Variants in VTI1A observed in about 807,000 individuals in gnomAD.
VTI1A encodes the protein vesicle transport through interaction with t-SNAREs 1A, also known as vesicle transport through interaction with t-SNAREs homolog 1A.
VTI1A carries 22 observed loss-of-function variants against 34.9 expected under a neutral mutation model. The observed-to-expected ratio is 0.63, with a 90% confidence interval of 0.45 to 0.90. VTI1A has a LOEUF of 0.90. VTI1A is among the 40% of genes least tolerant of loss of function. The pLI, the probability that VTI1A is intolerant of heterozygous loss-of-function variation, is 0.00. For synonymous variants in VTI1A, 87 were observed against 97.3 expected, an observed-to-expected ratio of 0.89 and a Z score of 0.62; for missense variants, 268 against 275.6, an observed-to-expected ratio of 0.97 and a Z score of 0.20.
At chr10:112,519,898 C>T (rs1849949518) in intron 3 of VTI1A, among the ~76,000 whole-genome samples, 1 of 151,946 alleles carries the variant, frequency 6.6e-6, no homozygotes, top group Non-Finnish European at 1.5e-5. Flanking sequence ...ATGAATGACC[C>T]CTTTTCCTTC....
intron 5 of VTI1A, among the ~76,000 whole-genome samples, chr10:112,581,207 C>T (rs1252811475): frequency 6.6e-6 from 1 of 152,178 alleles, no homozygotes; most frequent in East Asian, 1.9e-4. Flanking sequence ...TCTGGGATTG[C>T]AGTGGGCTGG....
intron 7 of VTI1A, among the ~76,000 whole-genome samples, chr10:112,753,691 G>T (rs868479613): frequency 2.6e-5 from 4 of 152,166 alleles, no homozygotes; most frequent in Middle Eastern, 3.2e-3. Flanking sequence ...CCAGACTTCT[G>T]TTCTGCCCAC....
intron 7 of VTI1A, among the ~76,000 whole-genome samples, chr10:112,809,413 T>A (rs567487450): frequency 4.6e-5 from 7 of 152,322 alleles, no homozygotes; most frequent in Non-Finnish European, 1.0e-4. Flanking sequence ...TCAGAATTTA[T>A]CCTATGCTCT....
chr10:112,682,867 G>A (rs1250538312), intron 7 of VTI1A, among the ~76,000 whole-genome samples: 1 of 152,248 alleles, frequency 6.6e-6, no homozygotes, highest in Non-Finnish European at 1.5e-5. Flanking sequence ...ATGGGCTTCA[G>A]TTGGAGCAAA....
At chr10:112,489,627 C>G (rs1299397983) in intron 3 of VTI1A, among the ~76,000 whole-genome samples, 2 of 151,994 alleles carry the variant, frequency 1.3e-5, no homozygotes, top group African/African-American at 4.8e-5. Flanking sequence ...CTTTTTTTCT[C>G]TCTCAGAGTA....
At chr10:112,512,045 GA>G (rs1849630208) in intron 3 of VTI1A, among the ~76,000 whole-genome samples, 2 of 152,068 alleles carry the variant, frequency 1.3e-5, no homozygotes, top group South Asian at 4.1e-4. Flanking sequence ...GTATCTCTTT[GA>G]TATATTGATT....
At chr10:112,650,104 A>G (rs1251758621) in intron 5 of VTI1A, among the ~76,000 whole-genome samples, 1 of 152,230 alleles carries the variant, frequency 6.6e-6, no homozygotes, top group Non-Finnish European at 1.5e-5. Context: ...TTTACTTTAT[A>G]AGATTTTTAA....
chr10:112,547,553 G>A (rs1274423839), intron 5 of VTI1A, among the ~76,000 whole-genome samples: 5 of 152,102 alleles, frequency 3.3e-5, no homozygotes, highest in African/African-American at 1.2e-4. Flanking sequence ...ACTCCAGCCT[G>A]GGCAACAGAG....
At chr10:112,818,892 T>C (rs1853598277), downstream of VTI1A, 1 of 170,834 alleles carries the variant, frequency 5.9e-6, no homozygotes, top group African/African-American at 2.4e-5. Flanking sequence ...GATTATTCAT[T>C]ACTCTCCTCT....
intron 5 of VTI1A, among the ~76,000 whole-genome samples, chr10:112,617,421 G>A (rs1281964601): frequency 6.6e-6 from 1 of 151,862 alleles, no homozygotes; most frequent in Non-Finnish European, 1.5e-5. Flanking sequence ...CCAGAAGGAA[G>A]ATAGAAGATA....
intron 5 of VTI1A, chr10:112,634,346 C>A (rs1846259955): frequency 6.6e-6 from 1 of 152,550 alleles, no homozygotes; most frequent in African/African-American, 2.4e-5. Context: ...AAGGCACCCT[C>A]TCATATGGTG....
At chr10:112,628,968 C>T (rs1846026299) in intron 5 of VTI1A, among the ~76,000 whole-genome samples, 1 of 152,122 alleles carries the variant, frequency 6.6e-6, no homozygotes, top group African/African-American at 2.4e-5. Context: ...CACCAGACAT[C>T]TCATAACCCA....
chr10:112,456,583 C>A (rs1039215557), intron 1 of VTI1A, among the ~76,000 whole-genome samples: 12 of 152,062 alleles, frequency 7.9e-5, no homozygotes, highest in African/African-American at 2.7e-4. Flanking sequence ...CAGAAACAAG[C>A]AAAGACTATA....
chr10:112,759,403 C>CA (rs1345419329), intron 7 of VTI1A, among the ~76,000 whole-genome samples: 4 of 152,178 alleles, frequency 2.6e-5, no homozygotes, highest in Admixed American at 6.5e-5. Flanking sequence ...TTTCCTCCCA[C>CA]TGTTGAAGTA....
chr10:112,668,460 A>T (rs1281753042), intron 6 of VTI1A, among the ~76,000 whole-genome samples, 172 bp downstream of exon 6: 2 of 151,970 alleles, frequency 1.3e-5, no homozygotes, highest in African/African-American at 4.8e-5. Flanking sequence ...ATAGCAGCTG[A>T]CTCTATGTCC....
chr10:112,457,806 G>A (rs1004590280), intron 1 of VTI1A, among the ~76,000 whole-genome samples: 1 of 152,186 alleles, frequency 6.6e-6, no homozygotes, highest in South Asian at 2.1e-4. Context: ...ACAGAGGACC[G>A]TGAGACAGGA....
chr10:112,570,876 A>G (rs1852091727), intron 5 of VTI1A, among the ~76,000 whole-genome samples: 1 of 152,236 alleles, frequency 6.6e-6, no homozygotes, highest in African/African-American at 2.4e-5. Context: ...AATAACAAAC[A>G]TTTATTGAGT....
intron 7 of VTI1A, among the ~76,000 whole-genome samples, chr10:112,780,212 A>G (rs1852078044): frequency 6.6e-6 from 1 of 151,240 alleles, no homozygotes; most frequent in Admixed American, 6.6e-5. Flanking sequence ...TCAAGGTTGC[A>G]GTAAGCTATG....
chr10:112,843,159 A>G, the VTI1A span, among the ~76,000 whole-genome samples: 2 of 152,284 alleles, frequency 1.3e-5, no homozygotes, highest in African/African-American at 2.4e-5. Context: ...TCGCCTCCCA[A>G]TTCTCCCAGC....
Sources: allele counts gnomAD v4.1 joint callset (sites outside exome capture counted in the v4.1 genomes callset), GRCh38; gene constraint gnomAD v4.1.1; transcripts MANE v1.5; gene names NCBI Gene and HGNC (gene_info 2026-07-23, HGNC 2026-07-21).